Variants in GABBR2 observed in about 807,000 individuals in gnomAD.
GABBR2 encodes G-protein coupled receptor 51.
A neutral mutation model predicts 105.6 loss-of-function variants in GABBR2; 23 were observed. That is an observed-to-expected ratio of 0.22 (90% CI 0.16 to 0.31). The LOEUF (loss-of-function observed/expected upper bound fraction) is 0.31. GABBR2 is among the 10% of genes least tolerant of loss of function. GABBR2 has a pLI of 1.00. For missense variants in GABBR2, 734 were observed against 1,245.5 expected (o/e 0.59, Z 6.18); for synonymous variants, 478 against 499.7 (o/e 0.96, Z 0.58).
At chr9:98,376,919 A>G (rs1831884638) in intron 11 of GABBR2, among the ~76,000 whole-genome samples, 1 of 152,052 alleles carries the variant, frequency 6.6e-6, no homozygotes, top group African/African-American at 2.4e-5. Flanking sequence ...AAATTTCTGA[A>G]AGGCACCCCG....
intron 1 of GABBR2, among the ~76,000 whole-genome samples, chr9:98,692,719 T>C: frequency 6.6e-6 from 1 of 152,240 alleles, no homozygotes; most frequent in East Asian, 1.9e-4. Flanking sequence ...GATCCACAGT[T>C]TCTCCAGGTA....
rs1458408014 is a variant in GABBR2 at position 98,289,784 on chromosome 9, C to A, written c.*800G>T. The A allele has an allele frequency of 1.3e-5, 2 of 152,706 alleles. No individual in the cohort carries two copies. The highest frequency in any genetic ancestry group is 3.8e-4 in the East Asian group (2 of 5,196). 9.5% of individuals were successfully genotyped at this position (152,706 alleles called of 1,614,324 possible). A position where few individuals can be genotyped will look rare whatever the true frequency, so the allele number is the denominator to read the frequency against. On this transcript the variant is annotated 3_prime_UTR_variant, in exon 19 of 19. Coordinates refer to ENST00000259455, the MANE Select transcript of GABBR2 (RefSeq NM_005458.8). The stretch of plus-strand genomic sequence containing the variant: ...GGTTACTGGGAGCATCCGATAGGAA[C>A]ACAAGGACATGGCCAACGTGGTGGG...
intron 6 of GABBR2, among the ~76,000 whole-genome samples, chr9:98,463,267 A>G (rs1826456576): frequency 6.6e-6 from 1 of 152,228 alleles, no homozygotes; most frequent in Non-Finnish European, 1.5e-5. Context: ...AAATGCAGGG[A>G]TATACACAAT....
At chr9:98,516,491 TG>T (rs1827758717) in intron 3 of GABBR2, among the ~76,000 whole-genome samples, 2 of 152,190 alleles carry the variant, frequency 1.3e-5, no homozygotes, top group African/African-American at 4.8e-5. Context: ...GGCACGGAGC[TG>T]GGACTCAAAC....
chr9:98,386,212 GTTT>G (rs201485919), intron 10 of GABBR2, among the ~76,000 whole-genome samples: 22 of 136,466 alleles, frequency 1.6e-4, no homozygotes, highest in African/African-American at 5.9e-4. Flanking sequence ...AAGTCAACAG[GTTT>G]TTTTTTTTTT....
In GABBR2 at chr9:98,708,864, G is replaced by A; in HGVS notation, c.-127C>T. 2.1e-6 allele frequency: 1 copy of A among 477,608 alleles called. No homozygotes were observed. The highest frequency in any genetic ancestry group is 2.7e-6 in the Non-Finnish European group (1 of 368,058). The allele number at this position is 477,608 out of a possible 1,614,324, so 29.6% of individuals were successfully genotyped here. A position where few individuals can be genotyped will look rare whatever the true frequency, so the allele number is the denominator to read the frequency against. Reference sequence around the variant, plus strand: ...CCGGCCCGGGCCCCGGCTCCGTCTCGGGCTAGGGTTCCGGCTCGGCTCAGA... The same window carrying A: ...CCGGCCCGGGCCCCGGCTCCGTCTCAGGCTAGGGTTCCGGCTCGGCTCAGA... On this transcript the variant is annotated 5_prime_UTR_variant, in exon 1 of 19. Transcript: ENST00000259455.
At chr9:98,343,598 A>G (rs10985914) in intron 13 of GABBR2, among the ~76,000 whole-genome samples, 21,178 of 152,192 alleles carry the variant, frequency 0.14, 1,548 homozygotes, top group Middle Eastern at 0.18. Context: ...GGTGGCTCAC[A>G]CCTGTAATCC....
intron 12 of GABBR2, among the ~76,000 whole-genome samples, 186 bp from the exon 13 acceptor site, chr9:98,363,023 C>G (rs554194388): frequency 1.8e-4 from 28 of 152,294 alleles, no homozygotes; most frequent in African/African-American, 6.7e-4. Context: ...AGGCCTTTCA[C>G]AAGCTTGACC....
chr9:98,644,209 A>T (rs1441221180), intron 1 of GABBR2, among the ~76,000 whole-genome samples: 2 of 152,260 alleles, frequency 1.3e-5, no homozygotes, highest in African/African-American at 4.8e-5. Flanking sequence ...ACACACTTGC[A>T]GCCCTGACCA....
chr9:98,558,009 T>A (rs1230448794), intron 2 of GABBR2, among the ~76,000 whole-genome samples: 1 of 152,172 alleles, frequency 6.6e-6, no homozygotes, highest in Admixed American at 6.5e-5. Context: ...TTAAATTAGG[T>A]CATAATGTGA....
At position 98,334,272 on chromosome 9, in the gene GABBR2, C is replaced by T. The variant is rs140754548; in HGVS notation, c.1894-23067G>A. 1.7e-3 allele frequency among the ~76,000 whole-genome samples: 265 copies of T among 152,236 alleles called. 1 individual carries two copies. Among genetic ancestry groups the T allele is most frequent in the South Asian group, 7.7e-3 (37 of 4,826 alleles). On this transcript the variant is annotated intron_variant, in intron 13 of 18. Transcript: ENST00000259455. ...AGAGAACATTATGCACAATTGGAAGCTAATAATTTTGAAAGCATCAATGAA... is the reference window on the plus strand; with the variant it reads ...AGAGAACATTATGCACAATTGGAAGTTAATAATTTTGAAAGCATCAATGAA...
At position 98,405,965 on chromosome 9, in the gene GABBR2, C is replaced by G. The variant is rs1205176773; in HGVS notation, c.1297+116G>C. ...AGAAAAGTGTTTTCAATTGGCTCTG[C>G]TTTCTTTTATCTGGAACATCACACT... On this transcript the variant is annotated intron_variant, in intron 8 of 18. Transcript: ENST00000259455. 4 of 699,520 alleles carry G rather than the reference C, an allele frequency of 5.7e-6. No homozygotes were observed. In the Admixed American group the frequency reaches 1.0e-4, roughly 18 times the overall value. The allele number at this position is 699,520 out of a possible 1,614,324, so 43.3% of individuals were successfully genotyped here.
chr9:98,685,259 C>T (rs1830606133), intron 1 of GABBR2, among the ~76,000 whole-genome samples: 1 of 152,214 alleles, frequency 6.6e-6, no homozygotes, highest in Non-Finnish European at 1.5e-5. Context: ...AGTGGTTTGG[C>T]AGGGGCTCTC....
intron 1 of GABBR2, among the ~76,000 whole-genome samples, chr9:98,613,065 T>C (rs148356552): frequency 4.1e-3 from 629 of 152,272 alleles, no homozygotes; most frequent in Non-Finnish European, 6.4e-3. Flanking sequence ...CTGTGACAGA[T>C]GGAATGCAAA....
intron 7 of GABBR2, among the ~76,000 whole-genome samples, chr9:98,414,767 G>T (rs954723232): frequency 6.6e-6 from 1 of 152,096 alleles, no homozygotes; most frequent in African/African-American, 2.4e-5. Context: ...GGAGGGACAT[G>T]GTACTCCAGG....
intron 6 of GABBR2, among the ~76,000 whole-genome samples, chr9:98,457,286 C>T (rs915407214): frequency 1.3e-5 from 2 of 152,196 alleles, no homozygotes; most frequent in African/African-American, 2.4e-5. Context: ...ACAACACCTC[C>T]CTGACCAGAA....
At chr9:98,639,662 C>T (rs1441462752) in intron 1 of GABBR2, among the ~76,000 whole-genome samples, 1 of 151,976 alleles carries the variant, frequency 6.6e-6, no homozygotes, top group Non-Finnish European at 1.5e-5. Flanking sequence ...TCTGGTTTTC[C>T]ACACTCTGCT....
intron 1 of GABBR2, among the ~76,000 whole-genome samples, chr9:98,669,291 G>A (rs2131859765): frequency 6.6e-6 from 1 of 152,230 alleles, no homozygotes; most frequent in East Asian, 1.9e-4. Flanking sequence ...GTTTTGATTT[G>A]CATTTCCCTA....
chr9:98,615,370 A>G (rs151189524), intron 1 of GABBR2, among the ~76,000 whole-genome samples: 2 of 152,384 alleles, frequency 1.3e-5, no homozygotes, highest in East Asian at 3.9e-4. Flanking sequence ...GTGAAAAGGC[A>G]TCAGCTGTTC....
Sources: gnomAD v4.1 joint callset for allele counts (sites outside exome capture counted in the v4.1 genomes callset) on GRCh38, gnomAD v4.1.1 for gene constraint, MANE v1.5 for transcripts, NCBI Gene and HGNC (gene_info 2026-07-23, HGNC 2026-07-21) for gene names.